LOC400499: variants seen among roughly 807,000 people sequenced by gnomAD.
chr16:11,431,283 TG>T, the LOC400499 span: 1 of 398,844 alleles, frequency 2.5e-6, no homozygotes, highest in Non-Finnish European at 4.4e-6. Flanking sequence ...CAGGCAAACC[TG>T]GGTTCCAACC....
At chr16:11,497,852 G>A in the LOC400499 span, among the ~76,000 whole-genome samples, 18 of 151,904 alleles carry the variant, frequency 1.2e-4, no homozygotes, top group Admixed American at 1.2e-3. Flanking sequence ...AAAAATGGGA[G>A]GAGAAGAAAA....
chr16:11,496,398 A>G, the LOC400499 span, among the ~76,000 whole-genome samples: 1 of 152,078 alleles, frequency 6.6e-6, no homozygotes, highest in East Asian at 1.9e-4. Flanking sequence ...TGGATTCGTG[A>G]CTCTTCACCA....
the LOC400499 span, chr16:11,423,031 G>A: frequency 5.0e-6 from 2 of 396,814 alleles, no homozygotes; most frequent in African/African-American, 4.1e-5. Context: ...GGGGGCTTTT[G>A]AAGGAGGGGG....
chr16:11,511,632 C>G, the LOC400499 span, among the ~76,000 whole-genome samples: 1 of 152,146 alleles, frequency 6.6e-6, no homozygotes, highest in Non-Finnish European at 1.5e-5. Flanking sequence ...AATTCCAGAA[C>G]AGGAAAATTA....
chr16:11,491,174 G>T, the LOC400499 span, among the ~76,000 whole-genome samples: 1 of 152,290 alleles, frequency 6.6e-6, no homozygotes, highest in Non-Finnish European at 1.5e-5. Context: ...GTGAAGCTGG[G>T]ATTTGAACCT....
the LOC400499 span, among the ~76,000 whole-genome samples, chr16:11,428,098 C>T: frequency 3.1e-3 from 472 of 152,268 alleles, 1 homozygote; most frequent in Non-Finnish European, 4.9e-3. Flanking sequence ...GCCCTGAGGG[C>T]GGCTGGTTGC....
chr16:11,448,938 GC>G, the LOC400499 span: 1 of 1,489,252 alleles, frequency 6.7e-7, no homozygotes, highest in Non-Finnish European at 9.0e-7. Context: ...GTGCCTGTAG[GC>G]CGCTGTTAGG....
chr16:11,380,334 C>T, the LOC400499 span, among the ~76,000 whole-genome samples: 1 of 150,824 alleles, frequency 6.6e-6, no homozygotes, highest in Non-Finnish European at 1.5e-5. Context: ...GTCTTAATTT[C>T]TCTGGCCGGA....
At chr16:11,389,194 T>C in the LOC400499 span, among the ~76,000 whole-genome samples, 13 of 152,178 alleles carry the variant, frequency 8.5e-5, no homozygotes, top group Non-Finnish European at 1.8e-4. Flanking sequence ...GCTGAAACTC[T>C]ACCTTCTCCT....
chr16:11,392,509 C>T, the LOC400499 span: 3 of 399,048 alleles, frequency 7.5e-6, no homozygotes, highest in Non-Finnish European at 1.3e-5. Flanking sequence ...CCCCTGGAGC[C>T]AGAAAGGGAC....
chr16:11,404,871 A>G, the LOC400499 span: 1 of 398,890 alleles, frequency 2.5e-6, no homozygotes, highest in Non-Finnish European at 4.4e-6. Flanking sequence ...GCTGAGCTGG[A>G]AGAGAATGAC....
At chr16:11,399,660 G>C in the LOC400499 span, 2 of 398,752 alleles carry the variant, frequency 5.0e-6, no homozygotes, top group East Asian at 3.6e-5. Context: ...CCTGGAGCGA[G>C]GGGGACCCCC....
the LOC400499 span, among the ~76,000 whole-genome samples, chr16:11,517,265 C>T: frequency 6.6e-6 from 1 of 152,188 alleles, no homozygotes; most frequent in Non-Finnish European, 1.5e-5. Context: ...CTCCCCTTTC[C>T]CCTGAAAATG....
chr16:11,416,177 T>G, the LOC400499 span, among the ~76,000 whole-genome samples: 1 of 152,088 alleles, frequency 6.6e-6, no homozygotes, highest in Admixed American at 6.5e-5. Flanking sequence ...CTCGAACTCC[T>G]GACCTCAAAT....
the LOC400499 span, among the ~76,000 whole-genome samples, chr16:11,473,784 C>A: frequency 1.3e-5 from 2 of 151,500 alleles, no homozygotes; most frequent in Non-Finnish European, 2.9e-5. Flanking sequence ...TGCGATATGT[C>A]AATAACTTAC....
chr16:11,418,506 G>A, the LOC400499 span, among the ~76,000 whole-genome samples: 1 of 152,192 alleles, frequency 6.6e-6, no homozygotes, highest in East Asian at 1.9e-4. Context: ...AGATGTCATG[G>A]CAATGTCAGG....
the LOC400499 span, chr16:11,399,121 G>A: frequency 4.3e-6 from 3 of 698,308 alleles, no homozygotes; most frequent in South Asian, 6.3e-5. Flanking sequence ...AGCCCTATCA[G>A]GTAATGATGC....
chr16:11,481,543 G>C, the LOC400499 span, among the ~76,000 whole-genome samples: 9 of 152,274 alleles, frequency 5.9e-5, no homozygotes, highest in African/African-American at 1.9e-4. Context: ...GGCTGGTCTC[G>C]AACTCCTCAT....
At chr16:11,459,849 C>T in the LOC400499 span, 2 of 1,272,692 alleles carry the variant, frequency 1.6e-6, no homozygotes, top group Middle Eastern at 4.1e-4. Context: ...TCCTACCGTC[C>T]ATGCTGGACT....
Sources: gnomAD v4.1 joint callset for allele counts (sites outside exome capture counted in the v4.1 genomes callset) on GRCh38, gnomAD v4.1.1 for gene constraint, MANE v1.5 for transcripts.